Variants in FNDC3A observed in about 807,000 individuals in gnomAD.
FNDC3A encodes the protein fibronectin type-III domain-containing protein 3A.
A neutral mutation model predicts 148.9 loss-of-function variants in FNDC3A; 32 were observed. The ratio of observed to expected loss-of-function variants is 0.21; its 90% CI spans 0.16 to 0.29. FNDC3A has a LOEUF of 0.29. Ranked by LOEUF, FNDC3A falls within the 10% of genes least tolerant of loss-of-function variation. The probability of loss-of-function intolerance (pLI) is 1.00; values close to 1 mark genes in which losing one functional copy is unlikely to be tolerated. For synonymous variants in FNDC3A, 472 were observed against 473.6 expected, an observed-to-expected ratio of 1.00 and a Z score of 0.04; for missense variants, 1,191 against 1,452.8, an observed-to-expected ratio of 0.82 and a Z score of 2.93.
At chr13:49,137,019 G>T (rs986979718) in intron 6 of FNDC3A, among the ~76,000 whole-genome samples, 1 of 151,944 alleles carries the variant, frequency 6.6e-6, no homozygotes, top group Non-Finnish European at 1.5e-5. Flanking sequence ...TAGAGACAGG[G>T]TCTCGCTGTT....
At chr13:49,061,069 A>T (rs1204343097) in intron 2 of FNDC3A, among the ~76,000 whole-genome samples, 1 of 152,058 alleles carries the variant, frequency 6.6e-6, no homozygotes, top group Non-Finnish European at 1.5e-5. Context: ...AGAATCCATG[A>T]GTCCATATTG....
At chr13:49,065,154 A>G (rs974461066) in intron 2 of FNDC3A, among the ~76,000 whole-genome samples, 1 of 152,060 alleles carries the variant, frequency 6.6e-6, no homozygotes, top group Admixed American at 6.5e-5. Flanking sequence ...TCACTCACCT[A>G]CTTAAAGACG....
intron 2 of FNDC3A, among the ~76,000 whole-genome samples, chr13:49,054,390 A>G (rs1049527815): frequency 2.0e-5 from 3 of 152,220 alleles, no homozygotes; most frequent in African/African-American, 7.2e-5. Context: ...TAGAAGATAC[A>G]TTCAGGACTA....
At chr13:49,123,198 T>C (rs1881473679) in intron 4 of FNDC3A, among the ~76,000 whole-genome samples, 1 of 152,060 alleles carries the variant, frequency 6.6e-6, no homozygotes, top group African/African-American at 2.4e-5. Context: ...ATACCACACA[T>C]CTACAACCAT....
chr13:49,158,292 G>A (rs545679857), intron 8 of FNDC3A, among the ~76,000 whole-genome samples: 6 of 152,196 alleles, frequency 3.9e-5, no homozygotes, highest in East Asian at 1.9e-4. Flanking sequence ...TTCCAGGTGC[G>A]TCTGTCACCC....
At chr13:49,172,679 T>C (rs184912826) in intron 11 of FNDC3A, among the ~76,000 whole-genome samples, 3 of 152,346 alleles carry the variant, frequency 2.0e-5, no homozygotes, top group African/African-American at 7.2e-5. Context: ...GGAACACTTA[T>C]GATTCCATGT....
chr13:49,057,268 A>T (rs1370469145), intron 2 of FNDC3A, among the ~76,000 whole-genome samples: 1 of 152,216 alleles, frequency 6.6e-6, no homozygotes, highest in African/African-American at 2.4e-5. Context: ...TGTTGAAGGT[A>T]GAAGGGTTCT....
At chr13:49,142,326 C>A (rs952363948) in intron 7 of FNDC3A, among the ~76,000 whole-genome samples, 2 of 152,156 alleles carry the variant, frequency 1.3e-5, no homozygotes, top group Non-Finnish European at 2.9e-5. Context: ...TCTTTCGTTT[C>A]TGTTTCCTTT....
At chr13:48,983,070 A>G (rs546009377) in intron 1 of FNDC3A, among the ~76,000 whole-genome samples, 1 of 152,290 alleles carries the variant, frequency 6.6e-6, no homozygotes, top group South Asian at 2.1e-4. Context: ...TTGAACATTT[A>G]AAATGTCCTA....
chr13:48,975,933 T>C lies in FNDC3A; in HGVS notation c.-284T>C, dbSNP rs1270040103. ...CCTCCTCCCGGCTCCGTAGTAAGCA[T>C]GGCGGCGGCGGCGTTCGTGGTCCCT... On this transcript the variant is annotated 5_prime_UTR_variant, in exon 1 of 26. It removes an upstream start codon present in the reference 5' UTR. Coordinates refer to ENST00000492622, the MANE Select transcript of FNDC3A (RefSeq NM_001079673.2). 4 of 151,988 alleles carry C rather than the reference T, an allele frequency of 2.6e-5. No homozygotes were observed. The highest frequency in any genetic ancestry group is 1.9e-4 in the East Asian group (1 of 5,158). 9.4% of individuals were successfully genotyped at this position (151,988 alleles called of 1,614,324 possible). A position where few individuals can be genotyped will look rare whatever the true frequency, so the allele number is the denominator to read the frequency against.
chr13:49,071,633 G>T (rs564126020), intron 2 of FNDC3A, among the ~76,000 whole-genome samples: 156 of 151,594 alleles, frequency 1.0e-3, no homozygotes, highest in Middle Eastern at 3.4e-3. Flanking sequence ...GATTAGTAAT[G>T]TTGAGCATTT....
At chr13:49,176,844 A>G (rs564457629) in intron 13 of FNDC3A, among the ~76,000 whole-genome samples, 1 of 152,260 alleles carries the variant, frequency 6.6e-6, no homozygotes, top group African/African-American at 2.4e-5. Context: ...TCTGTAGCCC[A>G]GGCTGGAGTG....
chr13:49,048,456 A>G (rs1039587612), intron 2 of FNDC3A, among the ~76,000 whole-genome samples: 4 of 152,112 alleles, frequency 2.6e-5, no homozygotes, highest in African/African-American at 9.7e-5. Context: ...ATTCGTGAGC[A>G]TGGGATGTGT....
At chr13:49,173,034 A>G (rs948587046) in intron 11 of FNDC3A, among the ~76,000 whole-genome samples, 2 of 152,208 alleles carry the variant, frequency 1.3e-5, no homozygotes, top group Admixed American at 6.5e-5. Flanking sequence ...AATGACAAAA[A>G]TATCTCATAA....
At chr13:49,161,877 A>G (rs570113682) in intron 8 of FNDC3A, among the ~76,000 whole-genome samples, 96 of 152,302 alleles carry the variant, frequency 6.3e-4, no homozygotes, top group African/African-American at 2.2e-3. Context: ...TATGAAGCTT[A>G]GTTTGGCTGG....
In FNDC3A at chr13:49,046,557, C is replaced by A. The variant is rs539176629; in HGVS notation, c.100-28732C>A. ...TTATCTTCTGCACATCAAGTTCATG[C>A]AGAGTTTCTGGTTTATATTTATACA... is the stretch of plus-strand genomic sequence containing the variant. On this transcript the variant is annotated intron_variant, in intron 2 of 25. Coordinates refer to ENST00000492622, the MANE Select transcript of FNDC3A (RefSeq NM_001079673.2). 6.2e-5 allele frequency: 10 copies of A among 161,738 alleles called. No homozygotes were observed. In the South Asian group the frequency reaches 9.2e-4, roughly 15 times the overall value. The allele number at this position is 161,738 out of a possible 1,614,324, so 10.0% of individuals were successfully genotyped here. A position where few individuals can be genotyped will look rare whatever the true frequency, so the allele number is the denominator to read the frequency against.
intron 8 of FNDC3A, among the ~76,000 whole-genome samples, chr13:49,163,569 G>A (rs74879571): frequency 2.0e-5 from 3 of 152,116 alleles, no homozygotes; most frequent in Non-Finnish European, 2.9e-5. Context: ...AAAGGAATTC[G>A]CTGACCCCTT....
chr13:49,125,302 G>A (rs1376898671), intron 4 of FNDC3A, among the ~76,000 whole-genome samples: 1 of 152,158 alleles, frequency 6.6e-6, no homozygotes, highest in Non-Finnish European at 1.5e-5. Context: ...AGACCTAAGA[G>A]ATTTATATGA....
rs527718155 is a variant in FNDC3A, at chr13:49,017,997, T to G, written c.99+11708T>G. ...CTGGTAGTCTGATGGGCTTCCCTTTTTGGGTAACCCGACCCTTCTCTCTGG... is the reference window on the plus strand; with the variant it reads ...CTGGTAGTCTGATGGGCTTCCCTTTGTGGGTAACCCGACCCTTCTCTCTGG... On this transcript the variant is annotated intron_variant, in intron 2 of 25. Transcript: ENST00000492622. 1.4e-4 allele frequency among the ~76,000 whole-genome samples: 21 copies of G among 152,312 alleles called. No individual in the cohort carries two copies. In the South Asian group the frequency reaches 4.1e-3, roughly 30 times the overall value.
Sources: gnomAD v4.1 joint callset for allele counts (sites outside exome capture counted in the v4.1 genomes callset) on GRCh38, gnomAD v4.1.1 for gene constraint, MANE v1.5 for transcripts, NCBI Gene and HGNC (gene_info 2026-07-23, HGNC 2026-07-21) for gene names.